Variants in TMEM182 observed in about 807,000 individuals in gnomAD.
The protein encoded by TMEM182 is transmembrane protein 182.
TMEM182 carries 20 observed loss-of-function variants against 26.8 expected under a neutral mutation model. The observed-to-expected ratio is 0.75, with a 90% CI of 0.53 to 1.09. The LOEUF is 1.09. TMEM182 is among the 50% of genes least tolerant of loss of function. The pLI is 0.00. For synonymous variants in TMEM182, 109 were observed against 102.2 expected (o/e 1.07, Z -0.40); for missense variants, 277 against 275.5 (o/e 1.01, Z -0.04).
At chr2:102,759,710 C>T (rs1680150366), upstream of TMEM182, among the ~76,000 whole-genome samples, 1 of 152,194 alleles carries the variant, frequency 6.6e-6, no homozygotes, top group South Asian at 2.1e-4. Flanking sequence ...AGAAATTCCA[C>T]AGGGATCTCA....
chr2:102,822,366 A>T (rs1010464242), downstream of TMEM182, among the ~76,000 whole-genome samples: 2 of 152,258 alleles, frequency 1.3e-5, no homozygotes, highest in East Asian at 1.9e-4. Flanking sequence ...GGGAAGTGTG[A>T]TATCGAGGAA....
intron 3 of TMEM182, among the ~76,000 whole-genome samples, chr2:102,834,921 G>A (rs778208693): frequency 5.9e-5 from 9 of 152,252 alleles, no homozygotes; most frequent in Non-Finnish European, 1.0e-4. Flanking sequence ...GGCCTCACCC[G>A]TTTCACCTGA....
At chr2:102,835,804 C>T (rs997496010) in intron 3 of TMEM182, among the ~76,000 whole-genome samples, 20 of 151,654 alleles carry the variant, frequency 1.3e-4, no homozygotes, top group Non-Finnish European at 1.3e-4. Context: ...CCCATTAACT[C>T]GTCATTTACA....
chr2:102,789,360 C>T (rs1394060667), intron 3 of TMEM182, among the ~76,000 whole-genome samples: 2 of 152,212 alleles, frequency 1.3e-5, no homozygotes, highest in South Asian at 2.1e-4. Context: ...GAATTGTGAT[C>T]ATTTGGGTTG....
At chr2:102,781,287 A>G (rs1681157066) in intron 3 of TMEM182, among the ~76,000 whole-genome samples, 1 of 151,802 alleles carries the variant, frequency 6.6e-6, no homozygotes, top group South Asian at 2.1e-4. Context: ...GTCCTTAGCA[A>G]TTGGAGGGAT....
chr2:102,776,903 T>A (rs964638624), intron 3 of TMEM182, among the ~76,000 whole-genome samples: 10 of 152,224 alleles, frequency 6.6e-5, no homozygotes, highest in Non-Finnish European at 1.5e-4. Context: ...TGACATATGA[T>A]GTTGAACATC....
chr2:102,796,055 T>A (rs976323977), intron 3 of TMEM182, among the ~76,000 whole-genome samples: 4 of 152,106 alleles, frequency 2.6e-5, no homozygotes, highest in Non-Finnish European at 4.4e-5. Flanking sequence ...GAGGCAGGAC[T>A]AAGGGAATAA....
At chr2:102,758,342 A>G (rs1303205205), upstream of TMEM182, 1 of 647,414 alleles carries the variant, frequency 1.5e-6, no homozygotes, top group East Asian at 2.8e-5. Context: ...TTAGGCTTCT[A>G]AGATTACTTG....
Position 102,817,228 on chromosome 2 carries a change from A to G in TMEM182, c.*2260A>G. 1.0e-6 allele frequency: 1 copy of G among 985,392 alleles called. No individual in the cohort carries two copies. Among genetic ancestry groups the G allele is most frequent in the Non-Finnish European group, 1.2e-6 (1 of 829,892 alleles). 61.0% of individuals were successfully genotyped at this position (985,392 alleles called of 1,614,324 possible). A position where few individuals can be genotyped will look rare whatever the true frequency, so the allele number is the denominator to read the frequency against. On this transcript the variant is annotated 3_prime_UTR_variant, in exon 5 of 5. Coordinates refer to ENST00000412401, the MANE Select transcript of TMEM182 (RefSeq NM_144632.5). ...TGAGATACTGTGTTGCCAAATGTCC[A>G]TGTTATGTTTATTTCTCTATTGGTT... is the stretch of plus-strand genomic sequence containing the variant.
chr2:102,807,226 A>G (rs939895401), intron 4 of TMEM182, among the ~76,000 whole-genome samples: 4 of 152,206 alleles, frequency 2.6e-5, no homozygotes, highest in African/African-American at 9.6e-5. Flanking sequence ...GGAAGAGGGA[A>G]TTATTGTATT....
chr2:102,835,390 C>T (rs1234712392), intron 3 of TMEM182, among the ~76,000 whole-genome samples: 1 of 152,190 alleles, frequency 6.6e-6, no homozygotes, highest in African/African-American at 2.4e-5. Flanking sequence ...CACGCAGGCA[C>T]AGCCTCCTCT....
At chr2:102,818,588 G>A (rs978053335), downstream of TMEM182, among the ~76,000 whole-genome samples, 4 of 152,218 alleles carry the variant, frequency 2.6e-5, no homozygotes, top group East Asian at 1.9e-4. Flanking sequence ...GGAGATGCCC[G>A]AGGAGACCCA....
chr2:102,772,252 T>G (rs1680709005), intron 3 of TMEM182, among the ~76,000 whole-genome samples: 1 of 152,222 alleles, frequency 6.6e-6, no homozygotes, highest in African/African-American at 2.4e-5. Context: ...AAGCAATTAT[T>G]GAGTGCCTGC....
chr2:102,755,174 AG>A (rs1431620434), intron 1 of TMEM182, among the ~76,000 whole-genome samples: 3 of 152,204 alleles, frequency 2.0e-5, no homozygotes, highest in Admixed American at 6.5e-5. Flanking sequence ...ACAGGATAAG[AG>A]GGAAAAAAAG....
chr2:102,818,293 A>G (rs946675749), downstream of TMEM182, among the ~76,000 whole-genome samples: 3 of 152,204 alleles, frequency 2.0e-5, no homozygotes, highest in African/African-American at 7.2e-5. Context: ...GGAAATTCCA[A>G]TAAGAATGTA....
At chr2:102,796,576 A>T (rs1283690109) in intron 3 of TMEM182, among the ~76,000 whole-genome samples, 1 of 152,178 alleles carries the variant, frequency 6.6e-6, no homozygotes, top group Non-Finnish European at 1.5e-5. Context: ...TAATTTCCAT[A>T]CTCAAAGCTG....
chr2:102,744,690 T>G (rs748134551), intron 1 of TMEM182, among the ~76,000 whole-genome samples: 4 of 152,196 alleles, frequency 2.6e-5, no homozygotes, highest in Admixed American at 6.5e-5. Context: ...GACAAGTGTT[T>G]TATTTTTTCC....
At chr2:102,750,128 C>G (rs1679836639) in intron 1 of TMEM182, among the ~76,000 whole-genome samples, 1 of 151,944 alleles carries the variant, frequency 6.6e-6, no homozygotes, top group South Asian at 2.1e-4. Flanking sequence ...ATGCTACTTG[C>G]ACAGATTCAC....
At chr2:102,813,578 G>A (rs1019696181) in intron 4 of TMEM182, among the ~76,000 whole-genome samples, 3 of 152,142 alleles carry the variant, frequency 2.0e-5, no homozygotes, top group East Asian at 3.9e-4. Flanking sequence ...CTGTGTGTGC[G>A]GTTTGTGTAT....
Sources: allele counts gnomAD v4.1 joint callset (sites outside exome capture counted in the v4.1 genomes callset), GRCh38; gene constraint gnomAD v4.1.1; transcripts MANE v1.5; gene names NCBI Gene and HGNC (gene_info 2026-07-23, HGNC 2026-07-21).